LHFPL6: variants seen among roughly 807,000 people sequenced by gnomAD.
LHFPL6 encodes LHFPL tetraspan subfamily member 6 protein.
Under a neutral mutation model 20.6 loss-of-function variants are expected in LHFPL6, and 9 were observed. The ratio of observed to expected loss-of-function variants is 0.44; its 90% CI spans 0.26 to 0.76. LHFPL6 has a LOEUF of 0.76. Ranked by LOEUF, LHFPL6 falls within the 30% of genes least tolerant of loss-of-function variation. LHFPL6 has a pLI of 0.20. For missense variants in LHFPL6, 218 were observed against 253.5 expected, an observed-to-expected ratio of 0.86 and a Z score of 0.95; for synonymous variants, 105 against 98.7, an observed-to-expected ratio of 1.06 and a Z score of -0.38.
At chr13:39,563,912 C>G (rs926517850) in intron 2 of LHFPL6, among the ~76,000 whole-genome samples, 1 of 152,140 alleles carries the variant, frequency 6.6e-6, no homozygotes, top group African/African-American at 2.4e-5. Context: ...GGCTAATAGA[C>G]ACTATCCCCT....
chr13:39,447,082 A>G (rs948771988), intron 2 of LHFPL6, among the ~76,000 whole-genome samples: 1 of 152,224 alleles, frequency 6.6e-6, no homozygotes, highest in Non-Finnish European at 1.5e-5. Flanking sequence ...TTGTATAGGA[A>G]CACAGAGTTA....
chr13:39,594,570 G>A (rs1413434367), intron 2 of LHFPL6, among the ~76,000 whole-genome samples: 1 of 152,098 alleles, frequency 6.6e-6, no homozygotes. Flanking sequence ...GATTCCTCAG[G>A]GATCTAGAAC....
At chr13:39,486,768 T>C (rs1868740630) in intron 2 of LHFPL6, among the ~76,000 whole-genome samples, 1 of 152,232 alleles carries the variant, frequency 6.6e-6, no homozygotes. Context: ...GGATATCTAA[T>C]GTCAAAAGAA....
At chr13:39,408,337 GC>G (rs1334122331) in intron 2 of LHFPL6, among the ~76,000 whole-genome samples, 1 of 152,164 alleles carries the variant, frequency 6.6e-6, no homozygotes, top group East Asian at 1.9e-4. Context: ...AGACCAGAAG[GC>G]CAGGGAATTA....
At chr13:39,370,612 A>C (rs1870139961) in intron 3 of LHFPL6, among the ~76,000 whole-genome samples, 1 of 152,210 alleles carries the variant, frequency 6.6e-6, no homozygotes, top group African/African-American at 2.4e-5. Context: ...TCCTGAGCTG[A>C]GTGACAGACA....
chr13:39,496,712 G>A (rs949951664), intron 2 of LHFPL6, among the ~76,000 whole-genome samples: 1 of 152,212 alleles, frequency 6.6e-6, no homozygotes, highest in Non-Finnish European at 1.5e-5. Flanking sequence ...CAGGAAGGCA[G>A]GAAATCTGTT....
At chr13:39,550,873 A>T (rs17060245) in intron 2 of LHFPL6, among the ~76,000 whole-genome samples, 2 of 152,100 alleles carry the variant, frequency 1.3e-5, no homozygotes, top group Non-Finnish European at 1.5e-5. Context: ...TTTTTCTACT[A>T]GGAAAGTTGT....
intron 2 of LHFPL6, among the ~76,000 whole-genome samples, chr13:39,401,401 T>C (rs1441465889): frequency 6.6e-6 from 1 of 152,148 alleles, no homozygotes; most frequent in African/African-American, 2.4e-5. Flanking sequence ...ATGATACAGG[T>C]GAAGGAGACT....
At chr13:39,491,066 T>C (rs1000176111) in intron 2 of LHFPL6, among the ~76,000 whole-genome samples, 1 of 152,154 alleles carries the variant, frequency 6.6e-6, no homozygotes, top group Non-Finnish European at 1.5e-5. Context: ...CAACAAAGAT[T>C]TGTGAGTCTA....
chr13:39,518,409 A>G (rs1570416), intron 2 of LHFPL6, among the ~76,000 whole-genome samples: 48,526 of 152,024 alleles, frequency 0.32, 7,955 homozygotes, highest in African/African-American at 0.36. Context: ...ACTGTATGTC[A>G]ATCTTGTATT....
chr13:39,602,312 G>A (rs1872978135), intron 1 of LHFPL6, among the ~76,000 whole-genome samples: 3 of 152,156 alleles, frequency 2.0e-5, no homozygotes, highest in African/African-American at 7.2e-5. Flanking sequence ...CCAGCTTTCA[G>A]GGTCCATAGC....
chr13:39,513,995 A>G (rs1185589323), intron 2 of LHFPL6, among the ~76,000 whole-genome samples: 2 of 152,136 alleles, frequency 1.3e-5, no homozygotes, highest in Non-Finnish European at 2.9e-5. Flanking sequence ...AAACCCAACA[A>G]TTATTCCTAA....
intron 2 of LHFPL6, among the ~76,000 whole-genome samples, chr13:39,459,194 ATGTG>A (rs58955444): frequency 0.071 from 9,682 of 135,916 alleles, 360 homozygotes; most frequent in Admixed American, 0.092. Flanking sequence ...AAGTTCCTTA[ATGTG>A]TGTGTGTGTG....
chr13:39,556,336 G>A (rs919920072), intron 2 of LHFPL6, among the ~76,000 whole-genome samples: 2 of 152,184 alleles, frequency 1.3e-5, no homozygotes, highest in African/African-American at 2.4e-5. Flanking sequence ...GGGAAAGTTT[G>A]GAACTTCTTA....
intron 2 of LHFPL6, among the ~76,000 whole-genome samples, chr13:39,425,658 G>T (rs1255056871): frequency 6.6e-6 from 1 of 152,036 alleles, no homozygotes; most frequent in Non-Finnish European, 1.5e-5. Context: ...ATGCTTATTT[G>T]CTGTCCATAT....
intron 2 of LHFPL6, among the ~76,000 whole-genome samples, chr13:39,434,763 A>C (rs145287378): frequency 6.6e-6 from 1 of 152,346 alleles, no homozygotes; most frequent in East Asian, 1.9e-4. Context: ...TCCTTGATAA[A>C]GAAGTAAATC....
At chr13:39,539,729 A>T (rs1190032632) in intron 2 of LHFPL6, among the ~76,000 whole-genome samples, 1 of 152,256 alleles carries the variant, frequency 6.6e-6, no homozygotes, top group East Asian at 1.9e-4. Flanking sequence ...ATAAATGAGC[A>T]ATCCTTTAAG....
At chr13:39,518,265 CTTAAAG>C (rs1165427625) in intron 2 of LHFPL6, among the ~76,000 whole-genome samples, 2 of 152,152 alleles carry the variant, frequency 1.3e-5, no homozygotes, top group East Asian at 3.8e-4. Flanking sequence ...ATAATGCAAA[CTTAAAG>C]TTAGTTTTCC....
chr13:39,415,682 A>G (rs1422309448), intron 2 of LHFPL6, among the ~76,000 whole-genome samples: 1 of 152,204 alleles, frequency 6.6e-6, no homozygotes, highest in East Asian at 1.9e-4. Context: ...TCTGGCTCAT[A>G]GTTTTGCAGT....
Sources: allele counts gnomAD v4.1 joint callset (sites outside exome capture counted in the v4.1 genomes callset), GRCh38; gene constraint gnomAD v4.1.1; transcripts MANE v1.5; gene names NCBI Gene and HGNC (gene_info 2026-07-23, HGNC 2026-07-21).